KCNIP4: variants seen among roughly 807,000 people sequenced by gnomAD.
KCNIP4 encodes the protein potassium voltage-gated channel interacting protein 4.
KCNIP4 carries 12 observed loss-of-function variants against 34.0 expected under a neutral mutation model. The observed-to-expected ratio is 0.35, with a 90% CI of 0.23 to 0.57. KCNIP4 has a LOEUF of 0.57. KCNIP4 is among the 20% of genes least tolerant of loss of function. The pLI is 0.83. For missense variants in KCNIP4, 238 were observed against 311.7 expected (o/e 0.76, Z 1.78); for synonymous variants, 124 against 102.2 (o/e 1.21, Z -1.29).
At chr4:21,512,352 T>G (rs1734411801) in intron 1 of KCNIP4, among the ~76,000 whole-genome samples, 2 of 152,204 alleles carry the variant, frequency 1.3e-5, no homozygotes, top group Non-Finnish European at 2.9e-5. Flanking sequence ...CTATTACTCC[T>G]TTAATTTGTA....
intron 1 of KCNIP4, among the ~76,000 whole-genome samples, chr4:21,729,014 T>C (rs1041938298): frequency 6.6e-6 from 1 of 152,196 alleles, no homozygotes; most frequent in Non-Finnish European, 1.5e-5. Flanking sequence ...CGCTTGTTCC[T>C]TGCATTTATT....
chr4:20,855,666 CA>C (rs138881464), intron 2 of KCNIP4, among the ~76,000 whole-genome samples: 16 of 147,498 alleles, frequency 1.1e-4, no homozygotes, highest in East Asian at 7.9e-4. Flanking sequence ...AAGGAGTTTA[CA>C]AAAAAAAAAT....
At chr4:21,532,352 C>T (rs1042031808) in intron 1 of KCNIP4, among the ~76,000 whole-genome samples, 1 of 151,014 alleles carries the variant, frequency 6.6e-6, no homozygotes, top group Admixed American at 6.6e-5. Context: ...ACAATTCTTG[C>T]AATCATCTTA....
At chr4:20,826,589 A>AAAACAAAC (rs10687574) in intron 3 of KCNIP4, among the ~76,000 whole-genome samples, 114 of 150,956 alleles carry the variant, frequency 7.6e-4, no homozygotes, top group East Asian at 2.4e-3. Flanking sequence ...ACCTTGTCTC[A>AAAACAAAC]AAACAAACAA....
At chr4:21,238,273 A>G (rs1759527011) in intron 1 of KCNIP4, among the ~76,000 whole-genome samples, 1 of 152,152 alleles carries the variant, frequency 6.6e-6, no homozygotes, top group Non-Finnish European at 1.5e-5. Context: ...AGCCAATATC[A>G]TACTGAATGG....
intron 1 of KCNIP4, among the ~76,000 whole-genome samples, chr4:21,532,090 T>C (rs1041979488): frequency 6.6e-6 from 1 of 152,170 alleles, no homozygotes; most frequent in Non-Finnish European, 1.5e-5. Flanking sequence ...GTCAGTATAC[T>C]TTGAGTCTTG....
At chr4:20,879,404 C>T (rs1724434086) in intron 2 of KCNIP4, among the ~76,000 whole-genome samples, 1 of 152,102 alleles carries the variant, frequency 6.6e-6, no homozygotes, top group African/African-American at 2.4e-5. Flanking sequence ...GTGTTGCTTC[C>T]TGGTACATTT....
chr4:21,128,022 T>A (rs1750759234), intron 1 of KCNIP4, among the ~76,000 whole-genome samples: 1 of 152,260 alleles, frequency 6.6e-6, no homozygotes, highest in African/African-American at 2.4e-5. Context: ...CCTTGCATAA[T>A]CATCTATGTT....
chr4:21,334,270 G>A (rs1198633810), intron 1 of KCNIP4, among the ~76,000 whole-genome samples: 2 of 151,838 alleles, frequency 1.3e-5, no homozygotes, highest in Non-Finnish European at 2.9e-5. Context: ...TAGGGTCATG[G>A]GGGGAATAAA....
intron 1 of KCNIP4, among the ~76,000 whole-genome samples, chr4:21,284,908 A>G (rs542170925): frequency 6.6e-6 from 1 of 152,226 alleles, no homozygotes; most frequent in African/African-American, 2.4e-5. Flanking sequence ...GCAGACCCCA[A>G]CAGCCTCTGC....
chr4:21,273,604 T>G (rs1255302756), intron 1 of KCNIP4, among the ~76,000 whole-genome samples: 4 of 152,166 alleles, frequency 2.6e-5, no homozygotes, highest in Middle Eastern at 3.2e-3. Flanking sequence ...TTCATAACAT[T>G]TCCTCAATTC....
intron 1 of KCNIP4, among the ~76,000 whole-genome samples, chr4:21,612,367 C>G (rs1195995341): frequency 6.6e-6 from 1 of 152,218 alleles, no homozygotes; most frequent in Non-Finnish European, 1.5e-5. Context: ...GTCCAATATA[C>G]TCAGGAGGCT....
intron 1 of KCNIP4, among the ~76,000 whole-genome samples, chr4:21,393,927 T>A (rs1302258774): frequency 1.3e-5 from 2 of 152,120 alleles, no homozygotes; most frequent in African/African-American, 2.4e-5. Flanking sequence ...GTATAAAAAA[T>A]TTATGGTCCA....
At chr4:21,584,711 A>G (rs1212552440) in intron 1 of KCNIP4, among the ~76,000 whole-genome samples, 3 of 152,068 alleles carry the variant, frequency 2.0e-5, no homozygotes, top group Non-Finnish European at 4.4e-5. Flanking sequence ...ATTCAATCCT[A>G]TGTCTGTCAA....
chr4:21,365,510 TAAATAAATAAATAAAAAATAAAGAAAG>T lies in KCNIP4; in HGVS notation c.62-482828_62-482802del, dbSNP rs1178471989. Among the ~76,000 whole-genome samples, 714 of 103,364 alleles carry T rather than the reference TAAATAAATAAATAAAAAATAAAGAAAG, an allele frequency of 6.9e-3. 8 individuals carry two copies. Among genetic ancestry groups the T allele is most frequent in the African/African-American group, 0.024 (601 of 24,958 alleles). The allele number at this position is 103,364 out of a possible 152,430, so 67.8% of individuals were successfully genotyped here. A position where few individuals can be genotyped will look rare whatever the true frequency, so the allele number is the denominator to read the frequency against. On this transcript the variant is annotated intron_variant, in intron 1 of 8. Coordinates refer to ENST00000382152, the MANE Select transcript of KCNIP4 (RefSeq NM_025221.6). ...ATAAATAAATAAATAAATAAATAAA[TAAATAAATAAATAAAAAATAAAGAAAG>T]AAAAGAAAAAGAAAAAAAAATACTT...
chr4:21,099,824 C>T (rs1747786246), intron 1 of KCNIP4, among the ~76,000 whole-genome samples: 1 of 151,958 alleles, frequency 6.6e-6, no homozygotes, highest in African/African-American at 2.4e-5. Flanking sequence ...ATGTTGATTC[C>T]AACCCTTGTG....
intron 1 of KCNIP4, among the ~76,000 whole-genome samples, chr4:21,256,186 G>A (rs1761050571): frequency 6.6e-6 from 1 of 152,206 alleles, no homozygotes; most frequent in Admixed American, 6.5e-5. Flanking sequence ...ATCAGATATT[G>A]AGAAAGTGTG....
Position 21,400,578 on chromosome 4 carries a change from C to CTCTTT in KCNIP4, c.62-517870_62-517869insAAAGA, listed in dbSNP as rs1491290545. On this transcript the variant is annotated intron_variant, in intron 1 of 8. Transcript: ENST00000382152. Reference sequence around the variant, plus strand: ...CTCTTCTCTTCTCTTCTCTTCTCTTCGTTCTTTCTTTCTTCCTTCTTTTCT... The same window carrying CTCTTT: ...CTCTTCTCTTCTCTTCTCTTCTCTTCTCTTTGTTCTTTCTTTCTTCCTTCTTTTCT... Among the ~76,000 whole-genome samples the CTCTTT allele has an allele frequency of 7.8e-3, 617 of 78,980 alleles. 14 individuals are homozygous for CTCTTT. The highest frequency in any genetic ancestry group is 0.018 in the Middle Eastern group (3 of 170). The allele number at this position is 78,980 out of a possible 152,430, so 51.8% of individuals were successfully genotyped here. A position where few individuals can be genotyped will look rare whatever the true frequency, so the allele number is the denominator to read the frequency against.
At chr4:20,802,154 CTA>C (rs748249738) in intron 3 of KCNIP4, among the ~76,000 whole-genome samples, 90 of 141,314 alleles carry the variant, frequency 6.4e-4, no homozygotes, top group East Asian at 6.0e-3. Flanking sequence ...TATATATATG[CTA>C]TATATATGCT....
Sources: allele counts gnomAD v4.1 joint callset (sites outside exome capture counted in the v4.1 genomes callset), GRCh38; gene constraint gnomAD v4.1.1; transcripts MANE v1.5; gene names NCBI Gene and HGNC (gene_info 2026-07-23, HGNC 2026-07-21).